The following PTBP2 variants were observed in gnomAD, a reference collection of about 807,000 sequenced individuals.
The protein encoded by PTBP2 is polypyrimidine tract-binding protein 2.
In PTBP2, 13 loss-of-function variants were observed where a neutral mutation model predicts 61.4. That is an observed-to-expected ratio of 0.21 (90% CI 0.14 to 0.34). The LOEUF (loss-of-function observed/expected upper bound fraction) is 0.34, where lower values mean the gene tolerates loss of function less well. PTBP2 is among the 10% of genes least tolerant of loss of function. The pLI, the probability that PTBP2 is intolerant of heterozygous loss-of-function variation, is 1.00. For missense variants in PTBP2, 405 were observed against 642.6 expected, an observed-to-expected ratio of 0.63 and a Z score of 4.00; for synonymous variants, 215 against 218.5, an observed-to-expected ratio of 0.98 and a Z score of 0.14.
chr1:96,819,262 G>GA (rs1662594991), downstream of PTBP2: 5 of 151,960 alleles, frequency 3.3e-5, no homozygotes, highest in African/African-American at 9.7e-5. Flanking sequence ...AAGCCTTACT[G>GA]AATGATGACT....
chr1:96,796,207 C>T (rs372685358), intron 8 of PTBP2, among the ~76,000 whole-genome samples: 4 of 150,544 alleles, frequency 2.7e-5, no homozygotes, highest in South Asian at 4.2e-4. Flanking sequence ...AATCCCAGCA[C>T]TTGGGAAGGC....
At chr1:96,816,201 A>T (rs1236930265), downstream of PTBP2, 1 of 152,184 alleles carries the variant, frequency 6.6e-6, no homozygotes, top group Non-Finnish European at 1.5e-5. Context: ...AGTATGCCCT[A>T]ATACGGCCTT....
intron 8 of PTBP2, among the ~76,000 whole-genome samples, chr1:96,786,977 T>C (rs1353206081): frequency 2.6e-5 from 4 of 152,194 alleles, no homozygotes; most frequent in African/African-American, 4.8e-5. Flanking sequence ...ACCATTTTTC[T>C]TGTGATCTTA....
intron 2 of PTBP2, among the ~76,000 whole-genome samples, chr1:96,729,891 C>G (rs61786387): frequency 6.6e-6 from 1 of 152,084 alleles, no homozygotes; most frequent in Admixed American, 6.6e-5. Flanking sequence ...CACACACCAC[C>G]ACACCTGGCT....
Position 96,791,827 on chromosome 1 carries a change from T to TTTTTTTTGTTTTTTTTTTTTG in PTBP2, c.904+6580_904+6581insGTTTTTTTTTTTTGTTTTTTT, listed in dbSNP as rs1553184731. ...CCACCTCTGTTGCTTGGAGTTGTGC[T>TTTTTTTTGTTTTTTTTTTTTG]TTTTTTTTTTTTTTTTTTTTTTGAG... On this transcript the variant is annotated intron_variant, in intron 8 of 13. Transcript: ENST00000674951. Among the ~76,000 whole-genome samples, 63 of 81,944 alleles carry TTTTTTTTGTTTTTTTTTTTTG rather than the reference T, an allele frequency of 7.7e-4. 1 individual carries two copies. Among genetic ancestry groups the TTTTTTTTGTTTTTTTTTTTTG allele is most frequent in the African/African-American group, 3.0e-3 (54 of 17,896 alleles). 53.8% of individuals were successfully genotyped at this position (81,944 alleles called of 152,430 possible). A position where few individuals can be genotyped will look rare whatever the true frequency, so the allele number is the denominator to read the frequency against.
intron 3 of PTBP2, among the ~76,000 whole-genome samples, chr1:96,752,558 A>T (rs1654682284): frequency 6.6e-6 from 1 of 152,134 alleles, no homozygotes; most frequent in South Asian, 2.1e-4. Context: ...CTATGTAATG[A>T]TTACAAAGCA....
At chr1:96,785,308 T>A in intron 8 of PTBP2, 54 bp downstream of exon 8, 1 of 1,356,432 alleles carries the variant, frequency 7.4e-7, no homozygotes, top group Non-Finnish European at 9.9e-7. Context: ...AATGGAAAAG[T>A]ACCAGTAAGT....
At chr1:96,764,758 A>T (rs890647942) in intron 3 of PTBP2, among the ~76,000 whole-genome samples, 2 of 152,212 alleles carry the variant, frequency 1.3e-5, no homozygotes, top group Non-Finnish European at 2.9e-5. Flanking sequence ...CTTCTTGCAT[A>T]TAAAGGTAGT....
intron 3 of PTBP2, among the ~76,000 whole-genome samples, chr1:96,760,455 T>C (rs1201965894): frequency 7.0e-6 from 1 of 143,800 alleles, no homozygotes; most frequent in Non-Finnish European, 1.5e-5. Flanking sequence ...TTTTTTTTTT[T>C]TTTTTTTTTG....
chr1:96,729,420 T>TG (rs1651062711), intron 2 of PTBP2, among the ~76,000 whole-genome samples: 1 of 152,204 alleles, frequency 6.6e-6, no homozygotes, highest in Non-Finnish European at 1.5e-5. Context: ...CTCCTTTTTT[T>TG]GTCTGTGGTA....
Position 96,799,294 on chromosome 1 carries a change from CTTTTTT to C in PTBP2, c.905-5492_905-5487del, listed in dbSNP as rs373815292. Among the ~76,000 whole-genome samples the C allele has an allele frequency of 5.4e-5, 5 of 92,166 alleles. No homozygotes were observed. In the East Asian group the frequency reaches 1.3e-3, roughly 24 times the overall value. The allele number at this position is 92,166 out of a possible 152,430, so 60.5% of individuals were successfully genotyped here. ...ATAGCAATCCTCAGAATAGATCAAG[CTTTTTT>C]TTTTTTTTTTTTTGAGATGGAGTCT... On this transcript the variant is annotated intron_variant, in intron 8 of 13. Transcript: ENST00000674951.
intron 2 of PTBP2, among the ~76,000 whole-genome samples, chr1:96,748,091 C>T (rs1345419979): frequency 4.6e-5 from 7 of 152,118 alleles, no homozygotes; most frequent in Non-Finnish European, 1.0e-4. Context: ...TTCTTCCTCT[C>T]TGATAATCTA....
intron 2 of PTBP2, among the ~76,000 whole-genome samples, chr1:96,737,011 C>T (rs556288991): frequency 1.3e-5 from 2 of 149,846 alleles, no homozygotes; most frequent in South Asian, 2.1e-4. Flanking sequence ...ACGGAGTCTC[C>T]CTTTGTTGCC....
downstream of PTBP2, chr1:96,816,015 G>A (rs1044932710): frequency 1.3e-5 from 2 of 152,140 alleles, no homozygotes; most frequent in Non-Finnish European, 2.9e-5. Flanking sequence ...ACCTTTTCAG[G>A]TGCTCATTGT....
At chr1:96,820,400 T>C (rs1164207052) in exon 14 of PTBP2, 6 of 152,142 alleles carry the variant, frequency 3.9e-5, no homozygotes, top group African/African-American at 1.4e-4. Flanking sequence ...ATATTTAATA[T>C]ATTAGGGAAC....
intron 7 of PTBP2, among the ~76,000 whole-genome samples, chr1:96,781,262 T>G (rs1050684484): frequency 3.3e-5 from 5 of 152,008 alleles, no homozygotes; most frequent in African/African-American, 1.2e-4. Context: ...TTTTGACATC[T>G]TCCCCTACCT....
chr1:96,813,973 C>CA lies in PTBP2; in HGVS notation c.*570dup, dbSNP rs1662318579. 6.6e-6 allele frequency: 1 copy of CA among 152,364 alleles called. No homozygotes were observed. Among genetic ancestry groups the CA allele is most frequent in the African/African-American group, 2.4e-5 (1 of 41,392 alleles). 9.4% of individuals were successfully genotyped at this position (152,364 alleles called of 1,614,324 possible). ...ACCTTAGGCTTTATTGCTTTGAAAACAACATTGGCCTTTTGTATCTCACAA... is the reference window on the plus strand; with the variant it reads ...ACCTTAGGCTTTATTGCTTTGAAAACAAACATTGGCCTTTTGTATCTCACAA... On this transcript the variant is annotated 3_prime_UTR_variant, in exon 14 of 14. Transcript: ENST00000674951.
At chr1:96,820,296 T>C (rs1308238654) in exon 14 of PTBP2, 5 of 152,044 alleles carry the variant, frequency 3.3e-5, no homozygotes, top group African/African-American at 1.2e-4. Flanking sequence ...GCTATGTACG[T>C]TGGACATTTG....
chr1:96,779,030 A>C (rs1245944024), intron 7 of PTBP2, among the ~76,000 whole-genome samples: 1 of 152,150 alleles, frequency 6.6e-6, no homozygotes, highest in East Asian at 1.9e-4. Context: ...AGATTTAAAG[A>C]GGTGAATTAC....
Sources: gnomAD v4.1 joint callset for allele counts (sites outside exome capture counted in the v4.1 genomes callset) on GRCh38, gnomAD v4.1.1 for gene constraint, MANE v1.5 for transcripts, NCBI Gene and HGNC (gene_info 2026-07-23, HGNC 2026-07-21) for gene names.